The following USP22 variants were observed in gnomAD, a reference collection of about 807,000 sequenced individuals.
USP22 encodes ubiquitin specific peptidase 22, also known as ubiquitin carboxyl-terminal hydrolase 22.
USP22 carries 22 observed loss-of-function variants against 68.1 expected under a neutral mutation model. The ratio of observed to expected loss-of-function variants is 0.32; its 90% CI spans 0.23 to 0.46. USP22 has a LOEUF of 0.46. Ranked by LOEUF, USP22 falls within the 20% of genes least tolerant of loss-of-function variation. The probability of loss-of-function intolerance (pLI) is 1.00; values close to 1 mark genes in which losing one functional copy is unlikely to be tolerated. For missense variants in USP22, 433 were observed against 695.8 expected (o/e 0.62, Z 4.25); for synonymous variants, 279 against 274.2 (o/e 1.02, Z -0.17).
intron 2 of USP22, among the ~76,000 whole-genome samples, chr17:21,026,832 C>A (rs1423133077): frequency 6.8e-6 from 1 of 147,736 alleles, no homozygotes; most frequent in African/African-American, 2.5e-5. Context: ...GACAGATTCT[C>A]GCTGTGTTGT....
At chr17:21,021,742 C>G (rs1972159095) in intron 2 of USP22, among the ~76,000 whole-genome samples, 1 of 152,216 alleles carries the variant, frequency 6.6e-6, no homozygotes, top group South Asian at 2.1e-4. Flanking sequence ...TGATTGACAT[C>G]TTGACCCAGA....
chr17:21,033,750 A>G (rs2143633820), intron 1 of USP22, among the ~76,000 whole-genome samples: 1 of 136,296 alleles, frequency 7.3e-6, no homozygotes, highest in East Asian at 1.9e-4. Flanking sequence ...AGGGACAGGT[A>G]TAATTTTTTT....
At position 21,002,683 on chromosome 17, in the gene USP22, G is replaced by A. The variant is rs114358401; in HGVS notation, c.*348C>T. The A allele has an allele frequency of 5.6e-3, 1,743 of 311,808 alleles. 28 individuals are homozygous for A. Among genetic ancestry groups the A allele is most frequent in the African/African-American group, 0.034 (1,593 of 46,334 alleles). The allele number at this position is 311,808 out of a possible 1,614,324, so 19.3% of individuals were successfully genotyped here. A position where few individuals can be genotyped will look rare whatever the true frequency, so the allele number is the denominator to read the frequency against. ...CAGCAGGTAGGGGCCTTTCCACACC[G>A]AGTGCTGGGGAACGCCAGGCAGCGG... On this transcript the variant is annotated 3_prime_UTR_variant, in exon 13 of 13. Coordinates refer to ENST00000261497, the MANE Select transcript of USP22 (RefSeq NM_015276.2).
At chr17:21,016,006 C>T in intron 5 of USP22, 107 bp from the exon 6 acceptor site, 8 of 1,368,960 alleles carry the variant, frequency 5.8e-6, no homozygotes, top group Non-Finnish European at 6.8e-6. Context: ...GGCTGTGGCT[C>T]ATTTGACACA....
At chr17:21,026,433 C>A (rs1972220194) in intron 2 of USP22, among the ~76,000 whole-genome samples, 1 of 152,056 alleles carries the variant, frequency 6.6e-6, no homozygotes, top group Non-Finnish European at 1.5e-5. Context: ...TCAAGAGATC[C>A]TCCCACCTCC....
chr17:21,011,606 C>T lies in USP22; in HGVS notation c.945-297G>A, dbSNP rs927058595. The T allele has an allele frequency of 1.9e-5, 7 of 360,668 alleles. 1 individual carries two copies. In the Middle Eastern group the frequency reaches 4.5e-3, roughly 233 times the overall value. 22.3% of individuals were successfully genotyped at this position (360,668 alleles called of 1,614,324 possible). On this transcript the variant is annotated intron_variant, in intron 7 of 12. Transcript: ENST00000261497. ...CTGAGGGACTTGGGAGGAGGATAAA[C>T]TCATGGGCCCTGTCAGAGGCTCTGA...
chr17:21,011,106 C>A lies in USP22; in HGVS notation c.1103+45G>T, dbSNP rs373906613. On this transcript the variant is annotated intron_variant, in intron 8 of 12. Transcript: ENST00000261497. ...TTTGGTCCTGATGGAGCACAGCCTT[C>A]TGGCCAGGAGACACGCCCCCGCCGT... The A allele has an allele frequency of 3.0e-5, 46 of 1,536,782 alleles. No homozygotes were observed. The African/African-American group carries it at 5.5e-4, about 18-fold the overall frequency.
chr17:21,006,878 G>A lies in USP22; in HGVS notation c.1322+18C>T, dbSNP rs2143521040. On this transcript the variant is annotated intron_variant, in intron 10 of 12. Transcript: ENST00000261497. ...CACAGCCCCTCAGGACACAGAACGG[G>A]CCTACAACCCCACATACCTGGAGGC... 1.3e-6 allele frequency: 2 copies of A among 1,583,800 alleles called. No individual in the cohort carries two copies. Among genetic ancestry groups the A allele is most frequent in the Non-Finnish European group, 1.7e-6 (2 of 1,163,740 alleles).
At chr17:21,020,140 C>T (rs1972134839) in intron 3 of USP22, among the ~76,000 whole-genome samples, 1 of 150,164 alleles carries the variant, frequency 6.7e-6, no homozygotes, top group East Asian at 2.0e-4. Context: ...GATGGCTTTG[C>T]TACCAGGGAG....
In USP22 at chr17:21,015,922, ACCT is replaced by A. The variant is rs749515953; in HGVS notation, c.691-26_691-24del. 1.2e-5 allele frequency: 19 copies of A among 1,611,744 alleles called. 1 individual carries two copies. In the Admixed American group the frequency reaches 1.8e-4, roughly 16 times the overall value. ...AAACTGCCAGAGGGCGGGGAAGGAA[ACCT>A]TGTCAGGAATAAATGTAGACTCTGA... is the stretch of plus-strand genomic sequence containing the variant. On this transcript the variant is annotated intron_variant, in intron 5 of 12. Coordinates refer to ENST00000261497, the MANE Select transcript of USP22 (RefSeq NM_015276.2).
chr17:21,009,388 C>T (rs1913876750), intron 8 of USP22, among the ~76,000 whole-genome samples: 1 of 152,170 alleles, frequency 6.6e-6, no homozygotes, highest in African/African-American at 2.4e-5. Flanking sequence ...CAAAGCTGCA[C>T]CTGTTTCGTT....
chr17:21,018,366 C>A (rs1972113472), intron 4 of USP22: 2 of 358,084 alleles, frequency 5.6e-6, no homozygotes, highest in East Asian at 1.0e-4. Context: ...AATATAGTTT[C>A]TACGACAACA....
intron 1 of USP22, among the ~76,000 whole-genome samples, chr17:21,038,986 C>G (rs1972391808): frequency 6.6e-6 from 1 of 151,982 alleles, no homozygotes; most frequent in African/African-American, 2.4e-5. Context: ...CGGTCTCGCT[C>G]TGTCGCCCAG....
intron 3 of USP22, among the ~76,000 whole-genome samples, chr17:21,020,172 T>G (rs1972135210): frequency 1.5e-5 from 2 of 134,280 alleles, no homozygotes; most frequent in African/African-American, 5.6e-5. Context: ...ACCTGTCAAC[T>G]GGGGTAAACC....
rs1003009348 is a variant in USP22 at position 21,002,272 on chromosome 17, G to C, written c.*759C>G. The C allele has an allele frequency of 1.3e-5, 2 of 152,232 alleles. No individual in the cohort carries two copies. Among genetic ancestry groups the C allele is most frequent in the African/African-American group, 4.8e-5 (2 of 41,456 alleles). 9.4% of individuals were successfully genotyped at this position (152,232 alleles called of 1,614,324 possible). A position where few individuals can be genotyped will look rare whatever the true frequency, so the allele number is the denominator to read the frequency against. On this transcript the variant is annotated 3_prime_UTR_variant, in exon 13 of 13. Transcript: ENST00000261497. ...CCATTAAAAAGCAAGACTCGCTCTT[G>C]AGACTAAAGGAGAAGTTACCTAAAT...
intron 2 of USP22, among the ~76,000 whole-genome samples, chr17:21,024,194 C>T (rs991190027): frequency 3.9e-5 from 6 of 152,102 alleles, no homozygotes; most frequent in East Asian, 1.9e-4. Context: ...AGCACATGGA[C>T]GTCACAGAGA....
At position 21,007,328 on chromosome 17, in the gene USP22, A is replaced by G. The variant is rs139857453; in HGVS notation, c.1231-341T>C. On this transcript the variant is annotated intron_variant, in intron 9 of 12. Transcript: ENST00000261497. ...GAACAAATTGTTCCTTTCACCAGACAGAAGACAGTCCTTTGCCTAGATCAG... is the reference window on the plus strand; with the variant it reads ...GAACAAATTGTTCCTTTCACCAGACGGAAGACAGTCCTTTGCCTAGATCAG... Among the ~76,000 whole-genome samples the G allele has an allele frequency of 3.4e-3, 519 of 152,352 alleles. 3 individuals carry two copies. Among genetic ancestry groups the G allele is most frequent in the Middle Eastern group, 6.8e-3 (2 of 294 alleles).
chr17:21,015,568 G>A (rs1914106420), intron 6 of USP22, 184 bp downstream of exon 6: 4 of 778,522 alleles, frequency 5.1e-6, no homozygotes, highest in Non-Finnish European at 7.5e-6. Flanking sequence ...AAACTAGGAG[G>A]AGCCTCTCTG....
At chr17:21,031,318 A>G (rs1031999738) in intron 1 of USP22, among the ~76,000 whole-genome samples, 1 of 152,254 alleles carries the variant, frequency 6.6e-6, no homozygotes, top group Non-Finnish European at 1.5e-5. Flanking sequence ...TTAATTGAGT[A>G]AAGTACACAG....
Sources: gnomAD v4.1 joint callset for allele counts (sites outside exome capture counted in the v4.1 genomes callset) on GRCh38, gnomAD v4.1.1 for gene constraint, MANE v1.5 for transcripts, NCBI Gene and HGNC (gene_info 2026-07-23, HGNC 2026-07-21) for gene names.